The following DOCK10 variants were observed in gnomAD, a reference collection of about 807,000 sequenced individuals.
DOCK10 encodes dedicator of cytokinesis 10.
In DOCK10, 145 loss-of-function variants were observed where a neutral mutation model predicts 280.1. That is an observed-to-expected ratio of 0.52 (90% CI 0.45 to 0.59). The LOEUF is 0.59. DOCK10 is among the 20% of genes least tolerant of loss of function. DOCK10 has a pLI of 0.00. For missense variants in DOCK10, 2,368 were observed against 2,651.7 expected (o/e 0.89, Z 2.35); for synonymous variants, 915 against 942.2 (o/e 0.97, Z 0.53).
At position 224,811,525 on chromosome 2, in the gene DOCK10, A is replaced by G. The variant is rs1693775592; in HGVS notation, c.3409+2795T>C. 1.2e-4 allele frequency among the ~76,000 whole-genome samples: 19 copies of G among 152,014 alleles called. 2 individuals carry two copies. The South Asian group carries it at 3.9e-3, about 32-fold the overall frequency. On this transcript the variant is annotated intron_variant, in intron 31 of 55. Coordinates refer to ENST00000258390, the MANE Select transcript of DOCK10 (RefSeq NM_014689.3). ...TTTGTCAATTTTGGCTTTTGTTGCC[A>G]TTGCTTTTGGTGTTTTAGACATGAA...
intron 27 of DOCK10, among the ~76,000 whole-genome samples, chr2:224,825,939 T>G (rs1434330120): frequency 6.6e-6 from 1 of 152,200 alleles, no homozygotes; most frequent in Non-Finnish European, 1.5e-5. Context: ...TGTAGGCTTT[T>G]GGGAGTTTTG....
chr2:224,973,878 A>G (rs907490327), intron 1 of DOCK10, among the ~76,000 whole-genome samples: 1 of 152,140 alleles, frequency 6.6e-6, no homozygotes, highest in African/African-American at 2.4e-5. Flanking sequence ...TGGCAATGCA[A>G]TGTAAATCAG....
chr2:224,787,846 A>C (rs957953869), intron 48 of DOCK10, among the ~76,000 whole-genome samples: 26 of 152,128 alleles, frequency 1.7e-4, no homozygotes, highest in African/African-American at 6.3e-4. Context: ...GAAGCTCCAC[A>C]ATCAGGCACC....
chr2:224,994,395 G>A (rs982412502), intron 1 of DOCK10, among the ~76,000 whole-genome samples: 1 of 152,310 alleles, frequency 6.6e-6, no homozygotes. Flanking sequence ...AAAAGGTTTA[G>A]CATGGTGCCA....
At chr2:224,787,827 G>C (rs1046105775) in intron 48 of DOCK10, among the ~76,000 whole-genome samples, 4 of 152,102 alleles carry the variant, frequency 2.6e-5, no homozygotes, top group African/African-American at 9.7e-5. Flanking sequence ...ACTCTAGCAT[G>C]GCCTTCAAGA....
Position 224,865,157 on chromosome 2 carries a change from A to G in DOCK10, c.1258-70T>C, listed in dbSNP as rs1697822454. The G allele has an allele frequency of 9.8e-6, 14 of 1,424,556 alleles. 1 individual carries two copies. In the South Asian group the frequency reaches 1.7e-4, roughly 17 times the overall value. The allele number at this position is 1,424,556 out of a possible 1,614,324, so 88.2% of individuals were successfully genotyped here. A position where few individuals can be genotyped will look rare whatever the true frequency, so the allele number is the denominator to read the frequency against. The stretch of plus-strand genomic sequence containing the variant: ...ATCCATGAGACAGCCTCGTTAGTAC[A>G]TCATTTAACAAAGCAGTAGATAAAA... On this transcript the variant is annotated intron_variant, in intron 11 of 55. Transcript: ENST00000258390.
intron 24 of DOCK10, among the ~76,000 whole-genome samples, chr2:224,838,392 C>G (rs767970400): frequency 6.6e-6 from 1 of 152,106 alleles, no homozygotes; most frequent in African/African-American, 2.4e-5. Flanking sequence ...TCTTTTTTCA[C>G]ATTAACACTA....
intron 1 of DOCK10, among the ~76,000 whole-genome samples, chr2:225,000,190 T>TCACACA (rs376882215): frequency 1.4e-5 from 2 of 144,128 alleles, no homozygotes; most frequent in African/African-American, 2.5e-5. Context: ...ATCACTCAAG[T>TCACACA]CACACACACA....
rs1405006434 is a variant in DOCK10, at chr2:225,039,547, AC to A, written c.123+2704del. On this transcript the variant is annotated intron_variant, in intron 1 of 55. Transcript: ENST00000258390. ...CATACAGTGCTTTGGGTAAAAACTG[AC>A]ATCAAATTTGCTTTGGCATACACCT... is the stretch of plus-strand genomic sequence containing the variant. Among the ~76,000 whole-genome samples the A allele has an allele frequency of 2.6e-5, 4 of 152,314 alleles. No homozygotes were observed. In the East Asian group the frequency reaches 5.8e-4, roughly 22 times the overall value.
intron 7 of DOCK10, among the ~76,000 whole-genome samples, chr2:224,879,877 T>C (rs1270448287): frequency 6.6e-6 from 1 of 152,050 alleles, no homozygotes; most frequent in Non-Finnish European, 1.5e-5. Flanking sequence ...TATAGAAAAA[T>C]GCAAGCAAAT....
intron 1 of DOCK10, among the ~76,000 whole-genome samples, chr2:224,936,707 A>G (rs1210335974): frequency 2.6e-5 from 4 of 152,152 alleles, no homozygotes; most frequent in Non-Finnish European, 5.9e-5. Flanking sequence ...AGAAAACATT[A>G]GAGATATGGG....
At chr2:224,819,408 T>C (rs750882443) in intron 29 of DOCK10, 38 bp downstream of exon 29, 3 of 1,334,268 alleles carry the variant, frequency 2.2e-6, no homozygotes, top group African/African-American at 1.5e-5. Context: ...TACAATGCCA[T>C]AGTTTAGAAA....
chr2:224,796,427 C>A lies in DOCK10; in HGVS notation c.4828-1G>T, dbSNP rs1171024337. The A allele has an allele frequency of 6.5e-7, 1 of 1,544,600 alleles. No individual in the cohort carries two copies. The highest frequency in any genetic ancestry group is 1.4e-5 in the African/African-American group (1 of 72,754). On this transcript the variant is annotated splice_acceptor_variant, in intron 43 of 55. Transcript: ENST00000258390. LOFTEE classifies it high-confidence loss of function. ...TTAACTGGCTCACAGCTTTGATGAGCTAGAAAAGAAAAAAAATGAACTCTC... is the reference window on the plus strand; with the variant it reads ...TTAACTGGCTCACAGCTTTGATGAGATAGAAAAGAAAAAAAATGAACTCTC...
chr2:224,991,770 TA>T lies in DOCK10; in HGVS notation c.123+50481del, dbSNP rs553145411. 2.9e-3 allele frequency among the ~76,000 whole-genome samples: 440 copies of T among 151,948 alleles called. 4 individuals are homozygous for T. The highest frequency in any genetic ancestry group is 0.01 in the African/African-American group (418 of 41,438). On this transcript the variant is annotated intron_variant, in intron 1 of 55. Coordinates refer to ENST00000258390, the MANE Select transcript of DOCK10 (RefSeq NM_014689.3). ...AGACAATCTGAGAAAATGGAAAACA[TA>T]AAAAAAATCAATATACACAGTATCT...
intron 1 of DOCK10, among the ~76,000 whole-genome samples, chr2:224,968,685 T>C (rs908378352): frequency 6.6e-6 from 1 of 152,234 alleles, no homozygotes; most frequent in African/African-American, 2.4e-5. Context: ...CTGACTAAGA[T>C]ACTAGATTAT....
At position 224,883,998 on chromosome 2, in the gene DOCK10, C is replaced by A. The variant is rs1699125968; in HGVS notation, c.747+1673G>T. 2.6e-5 allele frequency among the ~76,000 whole-genome samples: 4 copies of A among 152,272 alleles called. No individual in the cohort carries two copies. In the South Asian group the frequency reaches 6.2e-4, roughly 24 times the overall value. On this transcript the variant is annotated intron_variant, in intron 7 of 55. Coordinates refer to ENST00000258390, the MANE Select transcript of DOCK10 (RefSeq NM_014689.3). ...ATGTCTATAAAATGCAGTTATTGATCTTTACTGCTAACGTTTTACTTCATG... is the reference window on the plus strand; with the variant it reads ...ATGTCTATAAAATGCAGTTATTGATATTTACTGCTAACGTTTTACTTCATG...
intron 2 of DOCK10, among the ~76,000 whole-genome samples, chr2:224,924,115 T>C (rs747746912): frequency 3.3e-5 from 5 of 152,352 alleles, no homozygotes; most frequent in Non-Finnish European, 5.9e-5. Context: ...TATGCTTTCA[T>C]GATTCCTTTG....
rs745315736 is a variant in DOCK10 at position 224,856,859 on chromosome 2, C to T, written c.1808+1G>A. 1 of 1,597,802 alleles carries T rather than the reference C, an allele frequency of 6.3e-7. No individual in the cohort carries two copies. The highest frequency in any genetic ancestry group is 8.5e-7 in the Non-Finnish European group (1 of 1,172,370). On this transcript the variant is annotated splice_donor_variant, in intron 15 of 55. Coordinates refer to ENST00000258390, the MANE Select transcript of DOCK10 (RefSeq NM_014689.3). LOFTEE classifies it high-confidence loss of function. ...ATTTCGAGAGTATAAAAAAAACATA[C>T]CTTCTATAATCTGATACTAGTTTAA...
At chr2:224,973,068 T>A (rs962192880) in intron 1 of DOCK10, among the ~76,000 whole-genome samples, 1 of 152,250 alleles carries the variant, frequency 6.6e-6, no homozygotes, top group Non-Finnish European at 1.5e-5. Flanking sequence ...AACAATTCTT[T>A]AAAGTAAATT....
Sources: allele counts gnomAD v4.1 joint callset (sites outside exome capture counted in the v4.1 genomes callset), GRCh38; gene constraint gnomAD v4.1.1; transcripts MANE v1.5; gene names NCBI Gene and HGNC (gene_info 2026-07-23, HGNC 2026-07-21).